Variants in SMAD6 observed in about 807,000 individuals in gnomAD.
The protein encoded by SMAD6 is SMAD family member 6, also known as MAD homolog 6.
SMAD6 carries 103 observed loss-of-function variants against 39.4 expected under a neutral mutation model. That is an observed-to-expected ratio of 2.62 (90% CI 2.23 to 3.08). The LOEUF (loss-of-function observed/expected upper bound fraction) is 3.08, where lower values mean the gene tolerates loss of function less well. SMAD6 is among the 30% of genes most tolerant of loss of function. SMAD6 has a pLI of 0.00. For synonymous variants in SMAD6, 445 were observed against 353.3 expected (o/e 1.26, Z -2.91); for missense variants, 1,104 against 742.9 (o/e 1.49, Z -5.65).
intron 3 of SMAD6, among the ~76,000 whole-genome samples, chr15:66,764,182 C>A (rs2140662750): frequency 6.6e-6 from 1 of 152,320 alleles, no homozygotes; most frequent in South Asian, 2.1e-4. Context: ...CAGAGATCTG[C>A]TTTCGAGAGC....
Position 66,780,050 on chromosome 15 carries a change from C to T in SMAD6, c.953-947C>T, listed in dbSNP as rs114604947. On this transcript the variant is annotated intron_variant, in intron 3 of 3. Coordinates refer to ENST00000288840, the MANE Select transcript of SMAD6 (RefSeq NM_005585.5). ...CAGTGACAAGGGATTTCAGTAACAT[C>T]TTAGCTACCCCTTTGCTATACAGTG... Among the ~76,000 whole-genome samples the T allele has an allele frequency of 9.2e-3, 1,399 of 152,334 alleles. 25 individuals carry two copies. Among genetic ancestry groups the T allele is most frequent in the African/African-American group, 0.031 (1,276 of 41,576 alleles).
chr15:66,776,209 T>C (rs1405269545), intron 3 of SMAD6, among the ~76,000 whole-genome samples: 2 of 152,198 alleles, frequency 1.3e-5, no homozygotes, highest in Non-Finnish European at 2.9e-5. Context: ...GCAAAGGGCC[T>C]TGTCATCCAC....
At chr15:66,709,595 T>C (rs966091564) in intron 1 of SMAD6, among the ~76,000 whole-genome samples, 1 of 152,222 alleles carries the variant, frequency 6.6e-6, no homozygotes, top group African/African-American at 2.4e-5. Context: ...CTCCATGCCA[T>C]GTGTGGCCTA....
chr15:66,752,055 T>A (rs1388065429), intron 3 of SMAD6, among the ~76,000 whole-genome samples: 5 of 151,876 alleles, frequency 3.3e-5, no homozygotes, highest in African/African-American at 7.3e-5. Context: ...TTTTTTTTTT[T>A]TTTTCAGGCA....
chr15:66,759,965 C>G (rs895552113), intron 3 of SMAD6, among the ~76,000 whole-genome samples: 1 of 152,174 alleles, frequency 6.6e-6, no homozygotes, highest in Non-Finnish European at 1.5e-5. Flanking sequence ...GGTCCCCAGG[C>G]GGCCTCTGCA....
In SMAD6 at chr15:66,703,223, C is replaced by T; in HGVS notation, c.-36C>T. The T allele has an allele frequency of 3.7e-6, 5 of 1,336,244 alleles. No individual in the cohort carries two copies. The highest frequency in any genetic ancestry group is 4.8e-6 in the Non-Finnish European group (5 of 1,033,334). 82.8% of individuals were successfully genotyped at this position (1,336,244 alleles called of 1,614,324 possible). ...GAACGGACCCCCGGTAACCGGAGACCGCCTCCCCCCCACCCCTGGCGCCAA... is the reference window on the plus strand; with the variant it reads ...GAACGGACCCCCGGTAACCGGAGACTGCCTCCCCCCCACCCCTGGCGCCAA... On this transcript the variant is annotated 5_prime_UTR_variant, in exon 1 of 4. Transcript: ENST00000288840.
At chr15:66,771,757 G>A (rs541137538) in intron 3 of SMAD6, among the ~76,000 whole-genome samples, 2 of 152,302 alleles carry the variant, frequency 1.3e-5, no homozygotes, top group Non-Finnish European at 2.9e-5. Flanking sequence ...TGAATGAAGC[G>A]TGTAGAGCGC....
intron 1 of SMAD6, chr15:66,706,892 A>G (rs1893124890): frequency 1.3e-5 from 2 of 152,192 alleles, no homozygotes; most frequent in Non-Finnish European, 2.9e-5. Flanking sequence ...TTCTTTTCCT[A>G]TATCTAAAGT....
intron 3 of SMAD6, among the ~76,000 whole-genome samples, chr15:66,742,947 C>T (rs538779424): frequency 1.3e-5 from 2 of 152,292 alleles, no homozygotes; most frequent in East Asian, 1.9e-4. Flanking sequence ...TCCAGCATTC[C>T]AGAACAGCTG....
intron 3 of SMAD6, among the ~76,000 whole-genome samples, chr15:66,726,254 CAG>C (rs1473964151): frequency 2.6e-5 from 4 of 152,188 alleles, no homozygotes; most frequent in African/African-American, 4.8e-5. Context: ...GCTCTGAGGG[CAG>C]AGTCTGGTGT....
intron 3 of SMAD6, among the ~76,000 whole-genome samples, chr15:66,770,145 A>C (rs1306269776): frequency 6.6e-6 from 1 of 152,106 alleles, no homozygotes; most frequent in Admixed American, 6.6e-5. Flanking sequence ...GCTTTCTTGA[A>C]GCCTACCATC....
intron 3 of SMAD6, among the ~76,000 whole-genome samples, chr15:66,741,734 C>G (rs188688591): frequency 6.6e-6 from 1 of 152,308 alleles, no homozygotes; most frequent in Admixed American, 6.5e-5. Flanking sequence ...TTGAAGTACA[C>G]AGTTCAGTGG....
At chr15:66,736,144 A>G (rs937194703) in intron 3 of SMAD6, among the ~76,000 whole-genome samples, 4 of 152,210 alleles carry the variant, frequency 2.6e-5, no homozygotes, top group Non-Finnish European at 4.4e-5. Flanking sequence ...ACCGATACCA[A>G]TGGGGAAATT....
intron 3 of SMAD6, among the ~76,000 whole-genome samples, chr15:66,749,694 G>A (rs1024300823): frequency 1.3e-5 from 2 of 152,160 alleles, no homozygotes; most frequent in Admixed American, 6.5e-5. Flanking sequence ...GAGACACAGC[G>A]ATCATTGGGC....
At chr15:66,706,610 G>C (rs929655953) in intron 1 of SMAD6, 1 of 152,322 alleles carries the variant, frequency 6.6e-6, no homozygotes, top group East Asian at 1.9e-4. Context: ...AGGAGACTGC[G>C]CCTTCCAGGG....
chr15:66,744,856 G>C (rs1893880470), intron 3 of SMAD6, among the ~76,000 whole-genome samples: 2 of 152,154 alleles, frequency 1.3e-5, no homozygotes, highest in Non-Finnish European at 1.5e-5. Context: ...CCTGTCCCCA[G>C]CTCCTATGGG....
intron 3 of SMAD6, among the ~76,000 whole-genome samples, chr15:66,778,014 T>C (rs1376656256): frequency 4.7e-5 from 7 of 150,182 alleles, no homozygotes; most frequent in Admixed American, 2.7e-4. Context: ...CTGGCTGGGG[T>C]GGAGGGAACT....
intron 1 of SMAD6, chr15:66,705,829 A>C (rs368868262): frequency 1.3e-5 from 2 of 151,828 alleles, no homozygotes; most frequent in East Asian, 1.9e-4. Context: ...GAACTACCAG[A>C]AGGCTGTGGG....
intron 3 of SMAD6, among the ~76,000 whole-genome samples, chr15:66,742,462 C>T (rs1325054796): frequency 6.6e-6 from 1 of 152,100 alleles, no homozygotes; most frequent in African/African-American, 2.4e-5. Flanking sequence ...TGCGCCTGCC[C>T]TGGCTGAGGG....
Sources: gnomAD v4.1 joint callset for allele counts (sites outside exome capture counted in the v4.1 genomes callset) on GRCh38, gnomAD v4.1.1 for gene constraint, MANE v1.5 for transcripts, NCBI Gene and HGNC (gene_info 2026-07-23, HGNC 2026-07-21) for gene names.